ADGRG2: variants seen among roughly 807,000 people sequenced by gnomAD.
ADGRG2 encodes the protein G protein-coupled receptor 64.
ADGRG2 carries 26 observed loss-of-function variants against 74.1 expected under a neutral mutation model. The ratio of observed to expected loss-of-function variants is 0.35; its 90% confidence interval spans 0.26 to 0.49. ADGRG2 has a LOEUF of 0.49. Among genes scored for constraint, ADGRG2 ranks in the 20% least tolerant of loss-of-function variants. The pLI is 0.99. For missense variants in ADGRG2, 619 were observed against 763.1 expected, an observed-to-expected ratio of 0.81 and a Z score of 2.22; for synonymous variants, 296 against 295.2, an observed-to-expected ratio of 1.00 and a Z score of -0.03.
chrX:19,002,538 G>A (rs892175742), intron 24 of ADGRG2, among the ~76,000 whole-genome samples: 4 of 111,966 alleles, frequency 3.6e-5, no homozygotes, highest in Non-Finnish European at 7.5e-5. Context: ...ACCACCCCAA[G>A]CTAATGTTTT....
At chrX:19,090,314 T>C (rs1050311570) in intron 1 of ADGRG2, among the ~76,000 whole-genome samples, 1 of 111,476 alleles carries the variant, frequency 9.0e-6, no homozygotes, top group African/African-American at 3.3e-5. Context: ...TATTTGTCAC[T>C]GTGACCTGTT....
chrX:19,029,559 G>A (rs1447570117), intron 9 of ADGRG2, among the ~76,000 whole-genome samples: 1 of 111,174 alleles, frequency 9.0e-6, no homozygotes, highest in Non-Finnish European at 1.9e-5. Flanking sequence ...AGGGTACCAT[G>A]GGGTTTCTGG....
intron 14 of ADGRG2, among the ~76,000 whole-genome samples, chrX:19,019,958 T>A (rs900738189): frequency 2.7e-5 from 3 of 111,674 alleles, no homozygotes; most frequent in Non-Finnish European, 5.6e-5. Context: ...GAGGACATGA[T>A]GTTAAGTGAA....
At chrX:19,033,719 T>G in intron 7 of ADGRG2, 65 bp from the exon 8 acceptor site, 1 of 522,081 alleles carries the variant, frequency 1.9e-6, no homozygotes. Context: ...CAATTTGCCA[T>G]GAGTATCATT....
chrX:19,081,293 G>T (rs1679448620), intron 2 of ADGRG2, among the ~76,000 whole-genome samples: 1 of 111,805 alleles, frequency 8.9e-6, no homozygotes, highest in African/African-American at 3.3e-5. Flanking sequence ...AGAATCTACT[G>T]CTGCAAAATA....
At chrX:19,033,556 G>A in intron 8 of ADGRG2, 57 bp downstream of exon 8, 1 of 561,882 alleles carries the variant, frequency 1.8e-6, no homozygotes, top group Non-Finnish European at 3.0e-6. Flanking sequence ...CCAGCCATTT[G>A]TTTAATTTTA....
intron 3 of ADGRG2, among the ~76,000 whole-genome samples, chrX:19,041,300 G>A (rs183792492): frequency 8.0e-5 from 9 of 111,892 alleles, no homozygotes; most frequent in Admixed American, 1.9e-4. Context: ...ACATACATAT[G>A]TGGCTATTTC....
At chrX:19,004,659 C>T (rs2060194280) in intron 23 of ADGRG2, 99 bp downstream of exon 23, 1 of 804,805 alleles carries the variant, frequency 1.2e-6, no homozygotes, top group African/African-American at 2.0e-5. Context: ...GCTGGGTGTA[C>T]AGGGTAAGGC....
chrX:19,003,153 T>G, intron 23 of ADGRG2, 39 bp from the exon 24 acceptor site: 1 of 1,100,773 alleles, frequency 9.1e-7, no homozygotes, highest in South Asian at 1.9e-5. Flanking sequence ...AGCATTCTAC[T>G]CTGCCAACCC....
intron 1 of ADGRG2, among the ~76,000 whole-genome samples, chrX:19,087,359 C>T (rs777830698): frequency 6.2e-5 from 7 of 112,942 alleles, no homozygotes; most frequent in African/African-American, 1.6e-4. Flanking sequence ...AGGGCACCAG[C>T]GAGCCTGAAT....
chrX:19,106,174 A>AGGACAAGAGCTG (rs1555912671), intron 1 of ADGRG2, among the ~76,000 whole-genome samples: 1 of 108,943 alleles, frequency 9.2e-6, no homozygotes, highest in African/African-American at 3.4e-5. Context: ...ATCCCACTTG[A>AGGACAAGAGCTG]GGGTATGGAT....
At chrX:19,090,452 C>T (rs779723470) in intron 1 of ADGRG2, among the ~76,000 whole-genome samples, 17 of 111,499 alleles carry the variant, frequency 1.5e-4, no homozygotes, top group Admixed American at 2.9e-4. Context: ...CACGTGGCTG[C>T]GCAGGCTAAG....
At chrX:19,060,344 C>T (rs907907171) in intron 3 of ADGRG2, among the ~76,000 whole-genome samples, 2 of 110,595 alleles carry the variant, frequency 1.8e-5, no homozygotes, top group Admixed American at 9.7e-5. Flanking sequence ...AAATGTAGTT[C>T]GAAAAAATGT....
At chrX:19,001,987 A>G (rs753836148) in intron 24 of ADGRG2, among the ~76,000 whole-genome samples, 1 of 111,092 alleles carries the variant, frequency 9.0e-6, no homozygotes, top group Non-Finnish European at 1.9e-5. Context: ...ACACACTGTT[A>G]TATATTACTT....
chrX:19,092,759 G>A (rs369799288), intron 1 of ADGRG2, among the ~76,000 whole-genome samples: 2 of 111,942 alleles, frequency 1.8e-5, no homozygotes, highest in East Asian at 2.8e-4. Flanking sequence ...GTTGTCTGGC[G>A]AGATGGAGGA....
chrX:19,101,476 G>A (rs1368368387), intron 1 of ADGRG2, among the ~76,000 whole-genome samples: 2 of 110,288 alleles, frequency 1.8e-5, no homozygotes, highest in Non-Finnish European at 3.8e-5. Flanking sequence ...CGAGGTGGGC[G>A]AATCACTTGA....
At chrX:19,111,945 G>A (rs974978298) in intron 1 of ADGRG2, among the ~76,000 whole-genome samples, 1 of 111,219 alleles carries the variant, frequency 9.0e-6, no homozygotes, top group African/African-American at 3.3e-5. Context: ...ATAAATAGGG[G>A]AGAAGGAAGG....
intron 3 of ADGRG2, among the ~76,000 whole-genome samples, chrX:19,062,549 C>T (rs1194540852): frequency 1.8e-5 from 2 of 111,819 alleles, no homozygotes; most frequent in Non-Finnish European, 3.8e-5. Flanking sequence ...GCATTTATAA[C>T]CTCATTTGTA....
At chrX:19,083,831 C>T (rs1010068375) in intron 1 of ADGRG2, among the ~76,000 whole-genome samples, 10 of 112,001 alleles carry the variant, frequency 8.9e-5, no homozygotes, top group African/African-American at 3.2e-4. Flanking sequence ...TGAAATAGGA[C>T]ATAATGACTT....
Sources: allele counts gnomAD v4.1 joint callset (sites outside exome capture counted in the v4.1 genomes callset), GRCh38; gene constraint gnomAD v4.1.1; transcripts MANE v1.5; gene names NCBI Gene and HGNC (gene_info 2026-07-23, HGNC 2026-07-21).